DPP10: variants seen among roughly 807,000 people sequenced by gnomAD.
DPP10 encodes the protein inactive dipeptidyl peptidase 10.
In DPP10, 33 loss-of-function variants were observed where a neutral mutation model predicts 120.9. The ratio of observed to expected loss-of-function variants is 0.27; its 90% CI spans 0.21 to 0.37. The LOEUF is 0.37. Among genes scored for constraint, DPP10 ranks in the 10% least tolerant of loss-of-function variants. The pLI is 1.00. For synonymous variants in DPP10, 337 were observed against 326.1 expected, an observed-to-expected ratio of 1.03 and a Z score of -0.36; for missense variants, 816 against 942.8, an observed-to-expected ratio of 0.87 and a Z score of 1.76.
intron 1 of DPP10, among the ~76,000 whole-genome samples, chr2:115,223,650 TA>T (rs796293890): frequency 1.3e-5 from 2 of 151,426 alleles, no homozygotes; most frequent in African/African-American, 4.8e-5. Context: ...AAGGAACGAG[TA>T]AACGAAAATG....
intron 8 of DPP10, among the ~76,000 whole-genome samples, chr2:115,728,404 G>A (rs900536684): frequency 1.3e-5 from 2 of 151,812 alleles, no homozygotes; most frequent in Non-Finnish European, 2.9e-5. Context: ...CCCACATAAA[G>A]AGTTATTTTC....
intron 1 of DPP10, among the ~76,000 whole-genome samples, chr2:114,450,867 G>A (rs571790938): frequency 1.3e-5 from 2 of 152,172 alleles, no homozygotes; most frequent in African/African-American, 2.4e-5. Context: ...GATTTCAATA[G>A]GTAGGGCTTT....
At position 115,841,695 on chromosome 2, in the gene DPP10, T is replaced by A. The variant is rs376214260; in HGVS notation, c.2257-516T>A. Among the ~76,000 whole-genome samples, 24 of 152,358 alleles carry A rather than the reference T, an allele frequency of 1.6e-4. No individual in the cohort carries two copies. In the East Asian group the frequency reaches 1.9e-3, roughly 12 times the overall value. On this transcript the variant is annotated intron_variant, in intron 25 of 25. Coordinates refer to ENST00000410059, the MANE Select transcript of DPP10 (RefSeq NM_020868.6). ...TGGGATAATATTTGTATTTTTTATT[T>A]GTATTTTAGAAACAGTAACAATTTT...
intron 1 of DPP10, among the ~76,000 whole-genome samples, chr2:115,256,079 G>A (rs980535722): frequency 6.6e-6 from 1 of 152,176 alleles, no homozygotes; most frequent in African/African-American, 2.4e-5. Flanking sequence ...AGACATACAT[G>A]AGACCGGGTA....
chr2:115,028,201 C>G (rs2105223069), intron 1 of DPP10, among the ~76,000 whole-genome samples: 1 of 152,104 alleles, frequency 6.6e-6, no homozygotes, highest in East Asian at 1.9e-4. Context: ...GCTTGTTTAT[C>G]TGAAGTCTTC....
chr2:115,776,007 G>A lies in DPP10; in HGVS notation c.1222-1201G>A, dbSNP rs1252261017. On this transcript the variant is annotated intron_variant, in intron 13 of 25. Coordinates refer to ENST00000410059, the MANE Select transcript of DPP10 (RefSeq NM_020868.6). ...AAGGGAACTTCTTTAAGGTGATGAA[G>A]GCACTTGCCAAAAGCTTTATTCATA... is the stretch of plus-strand genomic sequence containing the variant. 2.6e-5 allele frequency among the ~76,000 whole-genome samples: 4 copies of A among 152,098 alleles called. No individual in the cohort carries two copies. In the East Asian group the frequency reaches 7.7e-4, roughly 29 times the overall value.
At chr2:114,997,378 G>C (rs1056635053) in intron 1 of DPP10, among the ~76,000 whole-genome samples, 6 of 149,700 alleles carry the variant, frequency 4.0e-5, no homozygotes, top group Admixed American at 3.3e-4. Context: ...TGTAGTCCCA[G>C]CTACTTGGGA....
At chr2:114,754,883 C>A (rs2106066246) in intron 1 of DPP10, among the ~76,000 whole-genome samples, 1 of 152,208 alleles carries the variant, frequency 6.6e-6, no homozygotes, top group South Asian at 2.1e-4. Flanking sequence ...CAAATGTAAA[C>A]TGGGATACTG....
chr2:115,623,519 CTTA>C (rs2085128002), intron 5 of DPP10, among the ~76,000 whole-genome samples: 1 of 152,036 alleles, frequency 6.6e-6, no homozygotes, highest in African/African-American at 2.4e-5. Context: ...TTGTGAAAGT[CTTA>C]TTATATGCCA....
chr2:115,726,043 C>G (rs2149631318), intron 7 of DPP10, among the ~76,000 whole-genome samples: 1 of 152,184 alleles, frequency 6.6e-6, no homozygotes, highest in Non-Finnish European at 1.5e-5. Context: ...TAGTAATAAG[C>G]TTATTTCCTA....
intron 5 of DPP10, among the ~76,000 whole-genome samples, chr2:115,536,298 A>G (rs36010427): frequency 1.3e-5 from 2 of 151,992 alleles, no homozygotes; most frequent in Non-Finnish European, 2.9e-5. Context: ...TGAACATTCC[A>G]CTATGAACAT....
At chr2:114,501,396 T>G (rs10176814) in intron 1 of DPP10, among the ~76,000 whole-genome samples, 3 of 152,100 alleles carry the variant, frequency 2.0e-5, no homozygotes, top group Non-Finnish European at 1.5e-5. Context: ...CTTTGTGTTT[T>G]GATGAACAAG....
chr2:115,588,244 TG>T (rs1341492816), intron 5 of DPP10, among the ~76,000 whole-genome samples: 4 of 152,234 alleles, frequency 2.6e-5, no homozygotes, highest in African/African-American at 9.6e-5. Context: ...CTTTTATGTT[TG>T]GTGATCTAGT....
chr2:115,614,612 A>T (rs910223608), intron 5 of DPP10, among the ~76,000 whole-genome samples: 1 of 152,080 alleles, frequency 6.6e-6, no homozygotes, highest in African/African-American at 2.4e-5. Context: ...TTTAGTAGAA[A>T]CGGGTTTTCG....
intron 1 of DPP10, among the ~76,000 whole-genome samples, chr2:115,280,624 G>A (rs901647402): frequency 1.3e-5 from 2 of 152,180 alleles, no homozygotes; most frequent in African/African-American, 4.8e-5. Context: ...CACACATGTT[G>A]AGAAATTATC....
chr2:115,374,300 G>A (rs2065627402), intron 3 of DPP10, among the ~76,000 whole-genome samples: 3 of 152,138 alleles, frequency 2.0e-5, no homozygotes, highest in South Asian at 4.1e-4. Context: ...AGTGGGAGGA[G>A]ACATGGATCT....
chr2:114,908,776 T>C (rs1694156867), intron 1 of DPP10, among the ~76,000 whole-genome samples: 1 of 151,768 alleles, frequency 6.6e-6, no homozygotes, highest in Non-Finnish European at 1.5e-5. Context: ...ATTCAGTTAA[T>C]GTGATGAATT....
At chr2:115,617,707 G>A (rs2084630973) in intron 5 of DPP10, among the ~76,000 whole-genome samples, 2 of 151,986 alleles carry the variant, frequency 1.3e-5, no homozygotes, top group Admixed American at 1.3e-4. Context: ...ACCTAGGTTT[G>A]TGTAAGTACA....
At chr2:115,813,623 T>C (rs1686903030) in intron 19 of DPP10, among the ~76,000 whole-genome samples, 1 of 152,248 alleles carries the variant, frequency 6.6e-6, no homozygotes, top group Non-Finnish European at 1.5e-5. Flanking sequence ...AAATTTTAGT[T>C]GCTCTGTGTT....
Sources: gnomAD v4.1 joint callset for allele counts (sites outside exome capture counted in the v4.1 genomes callset) on GRCh38, gnomAD v4.1.1 for gene constraint, MANE v1.5 for transcripts, NCBI Gene and HGNC (gene_info 2026-07-23, HGNC 2026-07-21) for gene names.